Variants in RFLNA observed in about 807,000 individuals in gnomAD.
RFLNA encodes the protein refilin-A.
Under a neutral mutation model 7.8 loss-of-function variants are expected in RFLNA, and 5 were observed. The ratio of observed to expected loss-of-function variants is 0.64; its 90% CI spans 0.34 to 1.35. The LOEUF is 1.35. Among genes scored for constraint, RFLNA ranks in the 40% most tolerant of loss-of-function variants. The probability of loss-of-function intolerance (pLI) is 0.04; values close to 1 mark genes in which losing one functional copy is unlikely to be tolerated. For synonymous variants in RFLNA, 141 were observed against 131.3 expected (o/e 1.07, Z -0.50); for missense variants, 278 against 305.5 (o/e 0.91, Z 0.67).
Position 124,306,150 on chromosome 12 carries a change from C to T in RFLNA, c.208-5668C>T, listed in dbSNP as rs76672168. Among the ~76,000 whole-genome samples the T allele has an allele frequency of 0.049, 7,531 of 152,178 alleles. 576 individuals carry two copies. The highest frequency in any genetic ancestry group is 0.16 in the African/African-American group (6,566 of 41,478). ...TTGCAGGTGTGGGGTCTCCCCTCCC[C>T]ATAGTGCAGGGGCGGAGAGGTGCCA... On this transcript the variant is annotated intron_variant, in intron 1 of 2. Coordinates refer to ENST00000546355, the MANE Select transcript of RFLNA (RefSeq NM_001365156.1). The surrounding 1 kb of genome is among the most constrained non-coding windows in gnomAD (Gnocchi z 5.2).
intron 1 of RFLNA, among the ~76,000 whole-genome samples, chr12:124,302,681 C>T (rs1384036350): frequency 6.6e-6 from 1 of 152,170 alleles, no homozygotes; most frequent in Non-Finnish European, 1.5e-5. Flanking sequence ...TAACCTTAGC[C>T]CAGCCCGTGC....
upstream of RFLNA, among the ~76,000 whole-genome samples, chr12:124,295,068 A>T (rs2033880738): frequency 6.6e-6 from 1 of 151,658 alleles, no homozygotes; most frequent in African/African-American, 2.4e-5. Flanking sequence ...GCGCCTAGAA[A>T]AGGAGGCGCG....
chr12:124,310,494 GGAGGGGGAGGTGGA>G, intron 1 of RFLNA, among the ~76,000 whole-genome samples: 1 of 1,062 alleles, frequency 9.4e-4, no homozygotes, highest in South Asian at 0.071. Context: ...TGAGCTGTGG[GGAGGGGGAGGTGGA>G]CTGCAGGGAG....
chr12:124,307,019 G>A (rs2034148349), intron 1 of RFLNA, among the ~76,000 whole-genome samples: 1 of 152,138 alleles, frequency 6.6e-6, no homozygotes, highest in South Asian at 2.1e-4. Flanking sequence ...TGTCCCCCGT[G>A]GGAGCCAGCT....
At chr12:124,307,957 A>C (rs1157426480) in intron 1 of RFLNA, among the ~76,000 whole-genome samples, 1 of 149,042 alleles carries the variant, frequency 6.7e-6, no homozygotes, top group African/African-American at 2.5e-5. Context: ...CTGCCTCCAC[A>C]TCGTCCCTGT....
intron 1 of RFLNA, among the ~76,000 whole-genome samples, chr12:124,296,484 T>TCCCTGCCCGCTCTCTGGCTGCG (rs528927494): frequency 0.044 from 6,715 of 152,002 alleles, 228 homozygotes; most frequent in South Asian, 0.1. Flanking sequence ...TGATTGCCCA[T>TCCCTGCCCGCTCTCTGGCTGCG]CCCTGCCCGC....
At chr12:124,293,652 G>T (rs1160904783), upstream of RFLNA, among the ~76,000 whole-genome samples, 1 of 152,080 alleles carries the variant, frequency 6.6e-6, no homozygotes, top group African/African-American at 2.4e-5. Flanking sequence ...GGTCTGTTTG[G>T]GCAGCAGACT....
chr12:124,298,579 A>C (rs2033972223), intron 1 of RFLNA, among the ~76,000 whole-genome samples: 1 of 152,220 alleles, frequency 6.6e-6, no homozygotes, highest in South Asian at 2.1e-4. Flanking sequence ...ACTGTGTGTC[A>C]CGCTCTGTTT....
chr12:124,301,234 G>T (rs149052696), intron 1 of RFLNA, among the ~76,000 whole-genome samples: 1 of 152,196 alleles, frequency 6.6e-6, no homozygotes, highest in Non-Finnish European at 1.5e-5. Flanking sequence ...GCTCGATCCC[G>T]GGTGAACTGG....
intron 1 of RFLNA, among the ~76,000 whole-genome samples, chr12:124,310,870 C>T (rs943620517): frequency 1.3e-5 from 2 of 152,296 alleles, no homozygotes; most frequent in African/African-American, 4.8e-5. Context: ...CTCTCTTTCC[C>T]CACCTTGCCA....
chr12:124,296,051 G>C (rs1019513907), intron 1 of RFLNA, among the ~76,000 whole-genome samples: 1 of 148,082 alleles, frequency 6.8e-6, no homozygotes, highest in African/African-American at 2.5e-5. Flanking sequence ...TTACTGTCCG[G>C]GCGCTGCCAA....
chr12:124,296,698 C>T (rs886864226), intron 1 of RFLNA, among the ~76,000 whole-genome samples: 1 of 152,212 alleles, frequency 6.6e-6, no homozygotes, highest in African/African-American at 2.4e-5. Context: ...TTCATTCGTG[C>T]CTTGCTTGTT....
Position 124,314,267 on chromosome 12 carries a change from C to T in RFLNA, c.393C>T (p.Val131=), listed in dbSNP as rs2034306791. The T allele has an allele frequency of 6.2e-7, 1 of 1,613,576 alleles. No individual in the cohort carries two copies. Residue 131 remains valine, a synonymous_variant, in exon 3 of 3, where the codon GTC becomes GTT. Coordinates refer to ENST00000546355, the MANE Select transcript of RFLNA (RefSeq NM_001365156.1). ...TCTTCTATGCGCCCGTACCCACCGT[C>T]ACGGCCTACAGCGAGACCATCGTGG... ...DKVFYAPVPT[V]TAYSETIVAA... is the part of the protein sequence containing the mutation.
chr12:124,296,069 G>GC (rs1237593113), intron 1 of RFLNA, among the ~76,000 whole-genome samples: 31 of 130,500 alleles, frequency 2.4e-4, no homozygotes, highest in South Asian at 1.3e-3. Flanking sequence ...CAATGTGAAA[G>GC]CCTTTTCTTT....
intron 1 of RFLNA, among the ~76,000 whole-genome samples, chr12:124,304,874 G>A (rs2135684105): frequency 6.6e-6 from 1 of 152,326 alleles, no homozygotes; most frequent in Admixed American, 6.5e-5. Context: ...GGGCCCTGGG[G>A]GTTCCTGTGC....
chr12:124,314,354 C>G lies in RFLNA; in HGVS notation c.480C>G (p.Arg160=), dbSNP rs761317847. ...RSQLTLEPRP[R]ALRFRSTTII... The stretch of plus-strand genomic sequence containing the variant: ...AGCTGACCCTGGAGCCACGCCCGCG[C>G]GCCCTGCGCTTCCGCAGCACCACCA... Residue 160 remains arginine (R), a synonymous_variant, in exon 3 of 3, where the codon CGC becomes CGG. Transcript: ENST00000546355. 3 of 1,613,344 alleles carry G rather than the reference C, an allele frequency of 1.9e-6. No homozygotes were observed. The highest frequency in any genetic ancestry group is 2.5e-6 in the Non-Finnish European group (3 of 1,179,968).
intron 1 of RFLNA, among the ~76,000 whole-genome samples, chr12:124,308,762 C>T (rs543929555): frequency 1.3e-3 from 195 of 152,344 alleles, no homozygotes; most frequent in Admixed American, 5.2e-3. Context: ...TTGATGGGGA[C>T]GTCTTGAGGC....
At chr12:124,312,284 G>C (rs1163077759) in intron 2 of RFLNA, among the ~76,000 whole-genome samples, 3 of 150,330 alleles carry the variant, frequency 2.0e-5, no homozygotes, top group Admixed American at 6.6e-5. Context: ...AACCACTTGT[G>C]CACCCTAACT....
chr12:124,309,481 G>A (rs185538410), intron 1 of RFLNA, among the ~76,000 whole-genome samples: 6 of 152,348 alleles, frequency 3.9e-5, no homozygotes, highest in South Asian at 2.1e-4. Flanking sequence ...AACGAAAGGC[G>A]TTCTGCTGTG....
Sources: gnomAD v4.1 joint callset for allele counts (sites outside exome capture counted in the v4.1 genomes callset) on GRCh38, gnomAD v4.1.1 for gene constraint, Gnocchi (gnomAD v3.1) non-coding constraint, MANE v1.5 for transcripts, NCBI Gene and HGNC (gene_info 2026-07-23, HGNC 2026-07-21) for gene names.